MCTP1: variants seen among roughly 807,000 people sequenced by gnomAD.
The protein encoded by MCTP1 is multiple C2 and transmembrane domain containing 1, also known as multiple C2 and transmembrane domain-containing protein 1.
In MCTP1, 69 loss-of-function variants were observed where a neutral mutation model predicts 120.6. That is an observed-to-expected ratio of 0.57 (90% CI 0.47 to 0.70). MCTP1 has a LOEUF of 0.70. MCTP1 is among the 30% of genes least tolerant of loss of function. The pLI is 0.00. For missense variants in MCTP1, 1,203 were observed against 1,248.8 expected, an observed-to-expected ratio of 0.96 and a Z score of 0.55; for synonymous variants, 529 against 493.1, an observed-to-expected ratio of 1.07 and a Z score of -0.96.
chr5:94,947,476 T>C (rs1290249655), intron 3 of MCTP1, among the ~76,000 whole-genome samples: 1 of 149,672 alleles, frequency 6.7e-6, no homozygotes, highest in Non-Finnish European at 1.5e-5. Flanking sequence ...TAATATCTCA[T>C]TTTTCTATTT....
At chr5:95,282,577 CA>C (rs764573498) in intron 1 of MCTP1, among the ~76,000 whole-genome samples, 1 of 152,238 alleles carries the variant, frequency 6.6e-6, no homozygotes, top group Middle Eastern at 3.4e-3. Context: ...AAACCAAAAA[CA>C]GGGGCTCTAT....
chr5:95,141,581 C>T (rs777660354), intron 1 of MCTP1, among the ~76,000 whole-genome samples: 4 of 152,132 alleles, frequency 2.6e-5, no homozygotes, highest in East Asian at 1.9e-4. Flanking sequence ...TACCTGATAC[C>T]GAAGTGTCAA....
Position 94,912,916 on chromosome 5 carries a change from T to C in MCTP1, c.1411A>G (p.Ile471Val), listed in dbSNP as rs149743432. The C allele has an allele frequency of 6.9e-6, 11 of 1,605,700 alleles. No individual in the cohort carries two copies. Among genetic ancestry groups the C allele is most frequent in the Non-Finnish European group, 7.6e-6 (9 of 1,176,540 alleles). Residue 471 changes from isoleucine to valine, a missense_variant, in exon 9 of 23, where the codon ATA becomes GTA. Physicochemically the swap from Ile to Val is conservative, Grantham distance 29 (BLOSUM62 3). Transcript: ENST00000515393. ...CCTTCAATCAAGGTGATGCTGACTA[T>C]TCCTCTCCAAAGATGCGATTTTCTG... is the stretch of plus-strand genomic sequence containing the variant. ...LHRKSHLWRGIVSITLIEGRD... is the reference protein window; with the variant it reads ...LHRKSHLWRGVVSITLIEGRD...
intron 19 of MCTP1, among the ~76,000 whole-genome samples, chr5:94,743,991 G>A (rs1256150537): frequency 6.6e-6 from 1 of 151,838 alleles, no homozygotes; most frequent in African/African-American, 2.4e-5. Flanking sequence ...CTTTTTCTGA[G>A]TCAGGATGTG....
chr5:94,823,263 T>A (rs1786107390), intron 17 of MCTP1, among the ~76,000 whole-genome samples: 1 of 152,226 alleles, frequency 6.6e-6, no homozygotes. Flanking sequence ...GTTTTCAGTA[T>A]ATGGCTAGCC....
chr5:94,988,044 G>C (rs1232724841), intron 2 of MCTP1, among the ~76,000 whole-genome samples: 2 of 152,054 alleles, frequency 1.3e-5, no homozygotes, highest in Non-Finnish European at 2.9e-5. Flanking sequence ...CATGCATTAC[G>C]AATAGGTTCT....
At chr5:94,843,038 T>C (rs975945362) in intron 17 of MCTP1, among the ~76,000 whole-genome samples, 2 of 152,002 alleles carry the variant, frequency 1.3e-5, no homozygotes, top group African/African-American at 4.8e-5. Flanking sequence ...TATATTATGC[T>C]TTCCATTGGA....
At chr5:95,040,737 AC>A (rs547199515) in intron 1 of MCTP1, among the ~76,000 whole-genome samples, 223 of 152,154 alleles carry the variant, frequency 1.5e-3, no homozygotes, top group African/African-American at 5.1e-3. Flanking sequence ...AGCCAATCTA[AC>A]CCCCTGGCCA....
intron 1 of MCTP1, among the ~76,000 whole-genome samples, chr5:95,020,054 T>G (rs1177572204): frequency 6.6e-6 from 1 of 152,038 alleles, no homozygotes; most frequent in African/African-American, 2.4e-5. Context: ...TAAGCTTATA[T>G]AGGTTTTCTA....
At chr5:95,199,256 A>G (rs983919692) in intron 1 of MCTP1, among the ~76,000 whole-genome samples, 2 of 152,172 alleles carry the variant, frequency 1.3e-5, no homozygotes, top group Admixed American at 6.5e-5. Flanking sequence ...CCTAATTTTA[A>G]TGCAATCCAA....
intron 19 of MCTP1, among the ~76,000 whole-genome samples, chr5:94,728,278 A>G (rs921377708): frequency 1.3e-5 from 2 of 152,212 alleles, no homozygotes; most frequent in Admixed American, 6.5e-5. Context: ...AGGGATGGCT[A>G]TTGGTTTAAC....
intron 19 of MCTP1, among the ~76,000 whole-genome samples, chr5:94,767,104 A>G (rs1772949080): frequency 6.6e-6 from 1 of 152,236 alleles, no homozygotes; most frequent in Non-Finnish European, 1.5e-5. Context: ...GAGGCATGCA[A>G]GGATTGTTCA....
rs112881632 is a variant in MCTP1 at position 95,266,573 on chromosome 5, C to T, written c.720+17283G>A. Among the ~76,000 whole-genome samples, 1,406 of 152,306 alleles carry T rather than the reference C, an allele frequency of 9.2e-3. 12 individuals carry two copies. The highest frequency in any genetic ancestry group is 0.015 in the Non-Finnish European group (990 of 68,028). Reference sequence around the variant, plus strand: ...ATGAAGAACAACAGAAAGACTACATCACATTTTTCCATAATAGCAGATAAA... The same window carrying T: ...ATGAAGAACAACAGAAAGACTACATTACATTTTTCCATAATAGCAGATAAA... On this transcript the variant is annotated intron_variant, in intron 1 of 22. Coordinates refer to ENST00000515393, the MANE Select transcript of MCTP1 (RefSeq NM_024717.7).
intron 1 of MCTP1, among the ~76,000 whole-genome samples, chr5:95,182,150 A>G (rs1252524860): frequency 1.3e-5 from 2 of 152,236 alleles, no homozygotes; most frequent in Non-Finnish European, 2.9e-5. Context: ...GAACTCAGTG[A>G]AGCACAGCTA....
At chr5:95,101,063 C>G (rs1278185026) in intron 1 of MCTP1, among the ~76,000 whole-genome samples, 2 of 151,962 alleles carry the variant, frequency 1.3e-5, no homozygotes, top group Non-Finnish European at 2.9e-5. Flanking sequence ...AAGATCCAGC[C>G]TGAGCAGGCT....
intron 17 of MCTP1, among the ~76,000 whole-genome samples, chr5:94,845,548 T>G (rs1391334490): frequency 2.0e-5 from 3 of 151,912 alleles, no homozygotes; most frequent in African/African-American, 7.2e-5. Flanking sequence ...TTTGTTTTTT[T>G]GTTTGTTTGT....
chr5:95,039,810 T>G (rs1478014530), intron 1 of MCTP1, among the ~76,000 whole-genome samples: 1 of 151,316 alleles, frequency 6.6e-6, no homozygotes, highest in African/African-American at 2.4e-5. Context: ...CTGATATTGT[T>G]TAAGTATTCC....
intron 1 of MCTP1, among the ~76,000 whole-genome samples, chr5:95,112,829 G>A (rs1757557149): frequency 6.6e-6 from 1 of 152,062 alleles, no homozygotes; most frequent in African/African-American, 2.4e-5. Flanking sequence ...AATATATTAT[G>A]GAAATGTAAC....
intron 1 of MCTP1, among the ~76,000 whole-genome samples, chr5:95,033,652 C>T (rs951952249): frequency 6.6e-6 from 1 of 151,986 alleles, no homozygotes; most frequent in South Asian, 2.1e-4. Flanking sequence ...AAGCATTTCC[C>T]CTACAAACTG....
Sources: gnomAD v4.1 joint callset for allele counts (sites outside exome capture counted in the v4.1 genomes callset) on GRCh38, gnomAD v4.1.1 for gene constraint, MANE v1.5 for transcripts, NCBI Gene and HGNC (gene_info 2026-07-23, HGNC 2026-07-21) for gene names.